Variants in INTS6 observed in about 807,000 individuals in gnomAD.
The protein encoded by INTS6 is integrator complex subunit 6.
INTS6 carries 16 observed loss-of-function variants against 104.9 expected under a neutral mutation model. The observed-to-expected ratio is 0.15, with a 90% CI of 0.10 to 0.23. The LOEUF (loss-of-function observed/expected upper bound fraction) is 0.23. Ranked by LOEUF, INTS6 falls within the 10% of genes least tolerant of loss-of-function variation. The pLI, the probability that INTS6 is intolerant of heterozygous loss-of-function variation, is 1.00. For missense variants in INTS6, 584 were observed against 1,062.8 expected (o/e 0.55, Z 6.26); for synonymous variants, 324 against 358.7 (o/e 0.90, Z 1.09).
At chr13:51,409,083 T>C (rs1956632667) in intron 4 of INTS6, among the ~76,000 whole-genome samples, 2 of 151,846 alleles carry the variant, frequency 1.3e-5, no homozygotes, top group African/African-American at 2.4e-5. Context: ...TTTTGGCCAT[T>C]AGAAGTTAAG....
chr13:51,343,448 T>C, the INTS6 span, among the ~76,000 whole-genome samples: 1 of 152,176 alleles, frequency 6.6e-6, no homozygotes, highest in East Asian at 1.9e-4. Context: ...TTGTGAATAA[T>C]AACATGAAAA....
Position 51,364,800 on chromosome 13 carries a change from C to T in INTS6, c.*952G>A, listed in dbSNP as rs1298904525. The T allele has an allele frequency of 6.6e-6, 1 of 152,410 alleles. No homozygotes were observed. The highest frequency in any genetic ancestry group is 2.4e-5 in the African/African-American group (1 of 41,428). 9.4% of individuals were successfully genotyped at this position (152,410 alleles called of 1,614,324 possible). ...CTTTTGCAAGCATGGCATGAAGCTG[C>T]TAAAGGCTAGATATTTCAGAGCATG... On this transcript the variant is annotated 3_prime_UTR_variant, in exon 18 of 18. Coordinates refer to ENST00000311234, the MANE Select transcript of INTS6 (RefSeq NM_012141.3).
chr13:51,409,999 CAAT>C (rs771807375), intron 4 of INTS6, among the ~76,000 whole-genome samples: 30 of 152,118 alleles, frequency 2.0e-4, no homozygotes, highest in Non-Finnish European at 3.4e-4. Flanking sequence ...AAAGACCAAT[CAAT>C]AATAACATCA....
chr13:51,428,562 T>C (rs1038756127), intron 4 of INTS6, among the ~76,000 whole-genome samples: 1 of 151,964 alleles, frequency 6.6e-6, no homozygotes, highest in African/African-American at 2.4e-5. Context: ...CCTGATCTCA[T>C]GTCTGCCCGC....
chr13:51,439,589 T>A (rs1454346130), intron 3 of INTS6: 1 of 152,218 alleles, frequency 6.6e-6, no homozygotes, highest in Non-Finnish European at 1.5e-5. Flanking sequence ...TTATATATTT[T>A]ACACTTGACT....
intron 7 of INTS6, among the ~76,000 whole-genome samples, chr13:51,386,404 A>G (rs1368070742): frequency 6.6e-6 from 1 of 152,228 alleles, no homozygotes; most frequent in African/African-American, 2.4e-5. Context: ...ATGACCAAAG[A>G]AATTGGAAGT....
chr13:51,398,942 A>G (rs1467689127), intron 4 of INTS6, among the ~76,000 whole-genome samples: 1 of 152,214 alleles, frequency 6.6e-6, no homozygotes, highest in Non-Finnish European at 1.5e-5. Context: ...ATATAAGAAC[A>G]TATATCCAGA....
At chr13:51,404,179 C>T (rs1296435896) in intron 4 of INTS6, among the ~76,000 whole-genome samples, 3 of 150,648 alleles carry the variant, frequency 2.0e-5, no homozygotes, top group African/African-American at 7.4e-5. Flanking sequence ...GAGGCTGCAG[C>T]AGGGGGATAG....
At chr13:51,449,026 G>T (rs1952981152) in intron 3 of INTS6, 1 of 152,242 alleles carries the variant, frequency 6.6e-6, no homozygotes, top group Non-Finnish European at 1.5e-5. Context: ...TAGAAAACAT[G>T]AAATGTTTAA....
rs559325295 is a variant in INTS6 at position 51,365,179 on chromosome 13, T to C, written c.*573A>G. The C allele has an allele frequency of 6.6e-6, 1 of 152,670 alleles. No individual in the cohort carries two copies. Among genetic ancestry groups the C allele is most frequent in the South Asian group, 2.1e-4 (1 of 4,832 alleles). The allele number at this position is 152,670 out of a possible 1,614,324, so 9.5% of individuals were successfully genotyped here. A position where few individuals can be genotyped will look rare whatever the true frequency, so the allele number is the denominator to read the frequency against. On this transcript the variant is annotated 3_prime_UTR_variant, in exon 18 of 18. Coordinates refer to ENST00000311234, the MANE Select transcript of INTS6 (RefSeq NM_012141.3). ...TTAAAATTCCATTATCTTAGGATGTTTTTAAATGATTACTTTAAATGTGAT... is the reference window on the plus strand; with the variant it reads ...TTAAAATTCCATTATCTTAGGATGTCTTTAAATGATTACTTTAAATGTGAT...
intron 13 of INTS6, among the ~76,000 whole-genome samples, chr13:51,375,476 T>TA (rs35989339): frequency 0.43 from 63,448 of 146,276 alleles, 15,596 homozygotes; most frequent in African/African-American, 0.69. Context: ...TACAGTATGG[T>TA]AAAAAAAAAA....
intron 17 of INTS6, among the ~76,000 whole-genome samples, chr13:51,366,313 A>G (rs192488998): frequency 1.4e-3 from 210 of 152,130 alleles, no homozygotes; most frequent in South Asian, 3.7e-3. Context: ...ATTGGTCAGC[A>G]GCATTTAAAA....
chr13:51,347,635 G>A, the INTS6 span, among the ~76,000 whole-genome samples: 2 of 152,198 alleles, frequency 1.3e-5, no homozygotes, highest in East Asian at 1.9e-4. Context: ...TCAGTTATCC[G>A]CATCAGAAAA....
intron 2 of INTS6, 103 bp downstream of exon 2, chr13:51,451,875 G>A (rs1176496382): frequency 1.4e-6 from 1 of 709,162 alleles, no homozygotes; most frequent in Admixed American, 2.1e-5. Context: ...CGCAGCGGGT[G>A]GGGGAGGGGA....
chr13:51,395,483 G>C lies in INTS6; in HGVS notation c.430C>G (p.Leu144Val), dbSNP rs1022637495. 1.1e-5 allele frequency: 17 copies of C among 1,605,128 alleles called. No individual in the cohort carries two copies. Among genetic ancestry groups the C allele is most frequent in the Non-Finnish European group, 1.4e-5 (17 of 1,176,890 alleles). The change falls in exon 5 of 18, where the codon CTT (leucine) becomes GTT (valine). Residue 144 changes from leucine (L) to valine (V), a missense_variant and splice_region_variant. By Grantham distance (32) the Leu-to-Val change is conservative. Around this residue, in one of 5 missense-constraint regions of INTS6, gnomAD observed 70 missense variants for 190.3 expected, o/e 0.37. Coordinates refer to ENST00000311234, the MANE Select transcript of INTS6 (RefSeq NM_012141.3). ...AAAGGAGAATTAAGAGGTAAATGAAGCTGAAAGTAGGGGGGAAAAACAGTA... is the reference window on the plus strand; with the variant it reads ...AAAGGAGAATTAAGAGGTAAATGAACCTGAAAGTAGGGGGGAAAAACAGTA... Reference protein sequence around the residue: ...LTTTSGVQDELHLPLNSPLPG... With the variant: ...LTTTSGVQDEVHLPLNSPLPG...
At position 51,374,289 on chromosome 13, in the gene INTS6, T is replaced by G. The variant is rs1371796083; in HGVS notation, c.2023A>C (p.Asn675His). 1.2e-6 allele frequency: 2 copies of G among 1,614,144 alleles called. No individual in the cohort carries two copies. Among genetic ancestry groups the G allele is most frequent in the Non-Finnish European group, 1.7e-6 (2 of 1,179,984 alleles). The part of the protein sequence containing the change: ...RGRQQNPVVN[N>H]HIGGKGPPAP... ...GGTGGTCCTTTTCCCCCAATATGAT[T>G]GTTTACAACAGGATTCTGCTGTCTG... is the stretch of plus-strand genomic sequence containing the variant. The change falls in exon 15 of 18, where the codon AAT (asparagine) becomes CAT (histidine). Residue 675 changes from asparagine (N) to histidine (H), a missense_variant. By Grantham distance (68) the Asn-to-His change is moderately conservative. Coordinates refer to ENST00000311234, the MANE Select transcript of INTS6 (RefSeq NM_012141.3).
the INTS6 span, among the ~76,000 whole-genome samples, chr13:51,338,502 G>A: frequency 6.6e-6 from 1 of 151,726 alleles, no homozygotes; most frequent in Non-Finnish European, 1.5e-5. Flanking sequence ...CGGACAGACG[G>A]ATGGATGGAC....
At chr13:51,341,978 A>G in the INTS6 span, among the ~76,000 whole-genome samples, 1 of 152,054 alleles carries the variant, frequency 6.6e-6, no homozygotes. Flanking sequence ...ATTTCTATGG[A>G]TTATGTATTT....
chr13:51,372,877 AT>A (rs1446788210), intron 15 of INTS6, among the ~76,000 whole-genome samples: 3 of 152,174 alleles, frequency 2.0e-5, no homozygotes, highest in Admixed American at 2.0e-4. Flanking sequence ...ATAACATCAA[AT>A]ATACAGTCAG....
Sources: allele counts gnomAD v4.1 joint callset (sites outside exome capture counted in the v4.1 genomes callset), GRCh38; gene constraint gnomAD v4.1.1; regional missense constraint gnomAD v4.1.1; transcripts MANE v1.5; gene names NCBI Gene and HGNC (gene_info 2026-07-23, HGNC 2026-07-21).